MED13L: variants seen among roughly 807,000 people sequenced by gnomAD.
MED13L encodes mediator of RNA polymerase II transcription subunit 13-like.
In MED13L, 7 loss-of-function variants were observed where a neutral mutation model predicts 220.9. The observed-to-expected ratio is 0.03, with a 90% CI of 0.02 to 0.06. The LOEUF is 0.06. Ranked by LOEUF, MED13L falls within the 10% of genes least tolerant of loss-of-function variation. The pLI is 1.00. For missense variants in MED13L, 1,965 were observed against 2,760.5 expected, an observed-to-expected ratio of 0.71 and a Z score of 6.46; for synonymous variants, 1,011 against 1,015.2, an observed-to-expected ratio of 1.00 and a Z score of 0.08.
intron 2 of MED13L, among the ~76,000 whole-genome samples, chr12:116,193,501 A>T (rs1881417986): frequency 6.6e-6 from 1 of 152,148 alleles, no homozygotes; most frequent in Non-Finnish European, 1.5e-5. Flanking sequence ...AGTACTTGAA[A>T]TGTGAGTCAT....
At chr12:116,064,988 A>T (rs1384627446) in intron 4 of MED13L, among the ~76,000 whole-genome samples, 2 of 152,234 alleles carry the variant, frequency 1.3e-5, no homozygotes, top group Non-Finnish European at 2.9e-5. Flanking sequence ...ACCTTCTAAG[A>T]AAAGCATCAC....
chr12:116,160,843 T>C (rs1224658610), intron 2 of MED13L, among the ~76,000 whole-genome samples: 1 of 151,746 alleles, frequency 6.6e-6, no homozygotes, highest in East Asian at 1.9e-4. Context: ...GCTGAGATTA[T>C]AGGCGTGAGC....
In MED13L at chr12:116,277,043, G is replaced by A; in HGVS notation, c.72+17C>T. 1 of 761,214 alleles carries A rather than the reference G, an allele frequency of 1.3e-6. No individual in the cohort carries two copies. The highest frequency in any genetic ancestry group is 2.2e-6 in the Non-Finnish European group (1 of 450,600). 47.2% of individuals were successfully genotyped at this position (761,214 alleles called of 1,614,324 possible). A position where few individuals can be genotyped will look rare whatever the true frequency, so the allele number is the denominator to read the frequency against. On this transcript the variant is annotated intron_variant, in intron 1 of 30. Coordinates refer to ENST00000281928, the MANE Select transcript of MED13L (RefSeq NM_015335.5). ...CCTTCCCCGGCACAGCCCCCTCCCC[G>A]CAGCCCGGCTACTCACCAGCGAAAA...
intron 29 of MED13L, among the ~76,000 whole-genome samples, chr12:115,965,031 T>C (rs939769273): frequency 1.8e-4 from 28 of 152,318 alleles, no homozygotes; most frequent in African/African-American, 5.5e-4. Flanking sequence ...TTTATAAACC[T>C]TCTTTGATTT....
intron 2 of MED13L, among the ~76,000 whole-genome samples, chr12:116,208,026 A>C (rs1882462556): frequency 6.6e-6 from 1 of 152,222 alleles, no homozygotes; most frequent in Non-Finnish European, 1.5e-5. Flanking sequence ...TGACTAGTTA[A>C]GAGTCGTGTC....
At chr12:116,063,780 C>A (rs2137648834) in intron 4 of MED13L, among the ~76,000 whole-genome samples, 1 of 152,196 alleles carries the variant, frequency 6.6e-6, no homozygotes, top group Admixed American at 6.5e-5. Context: ...TGTGATATTA[C>A]TAATACAAAA....
intron 19 of MED13L, among the ~76,000 whole-genome samples, chr12:115,985,967 T>C (rs1435488511): frequency 6.6e-6 from 1 of 152,198 alleles, no homozygotes; most frequent in Non-Finnish European, 1.5e-5. Flanking sequence ...CACTTTCCCC[T>C]GGTGAGCAAT....
At chr12:116,085,397 T>C (rs1871561921) in intron 4 of MED13L, among the ~76,000 whole-genome samples, 1 of 152,184 alleles carries the variant, frequency 6.6e-6, no homozygotes, top group Admixed American at 6.5e-5. Context: ...TAGAAAATAG[T>C]TTAAAAGATC....
chr12:116,009,322 T>G (rs532658677), intron 9 of MED13L, among the ~76,000 whole-genome samples, 190 bp from the exon 10 acceptor site: 1 of 152,276 alleles, frequency 6.6e-6, no homozygotes, highest in Non-Finnish European at 1.5e-5. Context: ...CACATACAAG[T>G]TAAGCAGATA....
Position 115,986,395 on chromosome 12 carries a change from A to T in MED13L, c.4209T>A (p.Phe1403Leu). 1 of 1,614,134 alleles carries T rather than the reference A, an allele frequency of 6.2e-7. No individual in the cohort carries two copies. The highest frequency in any genetic ancestry group is 8.5e-7 in the Non-Finnish European group (1 of 1,180,002). ...ATGGGTCCAACAAGAGCCTCTCCCAAAACGGCAAGGAGAATGGCGAGATGG... is the reference window on the plus strand; with the variant it reads ...ATGGGTCCAACAAGAGCCTCTCCCATAACGGCAAGGAGAATGGCGAGATGG... The part of the protein sequence containing the change: ...FLTISPFSLP[F>L]WERLLLDPYG... The change falls in exon 19 of 31, where the codon TTT (phenylalanine) becomes TTA (leucine). Residue 1403 changes from phenylalanine (F) to leucine (L), a missense_variant. Phe to Leu is a conservative substitution (Grantham distance 22). Transcript: ENST00000281928.
At chr12:116,251,658 GGCTGA>G (rs1871575985) in intron 1 of MED13L, among the ~76,000 whole-genome samples, 1 of 151,288 alleles carries the variant, frequency 6.6e-6, no homozygotes, top group African/African-American at 2.4e-5. Context: ...CTACTCGGGA[GGCTGA>G]GGCAGGAGAA....
chr12:116,232,023 A>C, intron 2 of MED13L: 3 of 941,592 alleles, frequency 3.2e-6, no homozygotes, highest in Non-Finnish European at 3.8e-6. Context: ...CAATGAGTTC[A>C]ATAAACAATA....
chr12:116,256,826 C>T (rs1048410849), intron 1 of MED13L, among the ~76,000 whole-genome samples: 1 of 151,560 alleles, frequency 6.6e-6, no homozygotes. Flanking sequence ...GCTGGGACTA[C>T]AGACGTGCGC....
At chr12:116,061,088 AAACT>A (rs1325042538) in intron 4 of MED13L, among the ~76,000 whole-genome samples, 1 of 152,220 alleles carries the variant, frequency 6.6e-6, no homozygotes, top group Non-Finnish European at 1.5e-5. Context: ...AGGTCTCAGG[AAACT>A]AACTTAGTAA....
chr12:116,217,132 T>C (rs1427946879), intron 2 of MED13L, among the ~76,000 whole-genome samples: 2 of 152,230 alleles, frequency 1.3e-5, no homozygotes, highest in Non-Finnish European at 2.9e-5. Context: ...GTGTGCTCTC[T>C]CCTGTGACAG....
At chr12:116,007,767 T>C (rs934615618) in intron 10 of MED13L, 131 bp from the exon 11 acceptor site, 16 of 761,692 alleles carry the variant, frequency 2.1e-5, no homozygotes, top group Admixed American at 5.6e-5. Flanking sequence ...ATATTCATGA[T>C]TAAATAAAAA....
intron 2 of MED13L, among the ~76,000 whole-genome samples, chr12:116,185,973 C>A (rs1368641673): frequency 2.0e-5 from 3 of 152,198 alleles, no homozygotes; most frequent in African/African-American, 7.2e-5. Context: ...GGATTACAGG[C>A]GTGAGCCACG....
intron 4 of MED13L, among the ~76,000 whole-genome samples, chr12:116,035,520 A>G (rs939586652): frequency 1.6e-4 from 24 of 152,232 alleles, no homozygotes; most frequent in African/African-American, 5.8e-4. Context: ...TATATAATAT[A>G]TTTTGTAATG....
chr12:116,126,194 C>G (rs187088124), intron 2 of MED13L, among the ~76,000 whole-genome samples: 1 of 152,160 alleles, frequency 6.6e-6, no homozygotes, highest in Non-Finnish European at 1.5e-5. Flanking sequence ...TTCAACTCTA[C>G]AAGATTCCTT....
Sources: allele counts gnomAD v4.1 joint callset (sites outside exome capture counted in the v4.1 genomes callset), GRCh38; gene constraint gnomAD v4.1.1; transcripts MANE v1.5; gene names NCBI Gene and HGNC (gene_info 2026-07-23, HGNC 2026-07-21).